ITGB1: variants seen among roughly 807,000 people sequenced by gnomAD.
The protein encoded by ITGB1 is integrin subunit beta 1, also known as integrin beta-1.
A neutral mutation model predicts 86.5 loss-of-function variants in ITGB1; 24 were observed. The ratio of observed to expected loss-of-function variants is 0.28; its 90% confidence interval spans 0.20 to 0.39. The LOEUF is 0.39. Ranked by LOEUF, ITGB1 falls within the 10% of genes least tolerant of loss-of-function variation. The pLI is 1.00. For missense variants in ITGB1, 556 were observed against 946.9 expected, an observed-to-expected ratio of 0.59 and a Z score of 5.42; for synonymous variants, 323 against 316.8, an observed-to-expected ratio of 1.02 and a Z score of -0.21.
intron 2 of ITGB1, among the ~76,000 whole-genome samples, chr10:32,934,307 A>T (rs1379373876): frequency 6.6e-6 from 1 of 152,162 alleles, no homozygotes; most frequent in Non-Finnish European, 1.5e-5. Flanking sequence ...TAAACAATAC[A>T]GTGTAAAAGC....
At chr10:32,924,291 A>G (rs1281310787) in intron 6 of ITGB1, among the ~76,000 whole-genome samples, 2 of 152,142 alleles carry the variant, frequency 1.3e-5, no homozygotes, top group Non-Finnish European at 2.9e-5. Flanking sequence ...TAACTCCTCA[A>G]TCAGTACTGT....
chr10:32,924,304 A>G (rs1463007972), intron 6 of ITGB1, among the ~76,000 whole-genome samples: 1 of 152,190 alleles, frequency 6.6e-6, no homozygotes, highest in Non-Finnish European at 1.5e-5. Flanking sequence ...AGTACTGTTT[A>G]TGCACTCATT....
chr10:32,930,082 G>GT, intron 3 of ITGB1, 38 bp from the exon 4 acceptor site: 1 of 819,248 alleles, frequency 1.2e-6, no homozygotes, highest in Non-Finnish European at 2.1e-6. Flanking sequence ...AATGAAAATT[G>GT]TAATGGTCAA....
intron 1 of ITGB1, among the ~76,000 whole-genome samples, chr10:32,937,438 C>T (rs1017675058): frequency 2.4e-4 from 37 of 151,806 alleles, no homozygotes; most frequent in African/African-American, 8.7e-4. Context: ...CTCCTGTAAT[C>T]CCAGCTTCTC....
chr10:32,903,141 G>T (rs2504018), intron 15 of ITGB1, among the ~76,000 whole-genome samples: 149,425 of 151,808 alleles, frequency 0.98, 73,580 homozygotes, highest in Middle Eastern at 1. Context: ...CACTTTTGGT[G>T]AGGAGTTTGA....
intron 11 of ITGB1, among the ~76,000 whole-genome samples, chr10:32,913,509 C>A (rs1017799257): frequency 2.0e-5 from 3 of 152,028 alleles, no homozygotes; most frequent in African/African-American, 7.3e-5. Context: ...GGCATGAGAA[C>A]CATGTGATGC....
intron 9 of ITGB1, among the ~76,000 whole-genome samples, chr10:32,921,319 G>C (rs968050664): frequency 6.6e-6 from 1 of 152,078 alleles, no homozygotes; most frequent in Non-Finnish European, 1.5e-5. Context: ...AATTATCTAA[G>C]ACAGGGGAGA....
intron 11 of ITGB1, among the ~76,000 whole-genome samples, chr10:32,914,056 A>C (rs150173921): frequency 1.1e-4 from 17 of 152,306 alleles, no homozygotes; most frequent in African/African-American, 3.1e-4. Context: ...ATTTCATATT[A>C]AGCCAAACTA....
At chr10:32,936,177 G>C (rs1755163455) in intron 1 of ITGB1, 2 of 152,396 alleles carry the variant, frequency 1.3e-5, no homozygotes, top group Middle Eastern at 3.4e-3. Flanking sequence ...GCTCACGCCT[G>C]GAATCTCAGC....
intron 5 of ITGB1, 33 bp from the exon 6 acceptor site, chr10:32,926,142 A>G: frequency 2.2e-6 from 3 of 1,386,248 alleles, no homozygotes; most frequent in South Asian, 1.2e-5. Context: ...TAAATGAATG[A>G]ATGGATGGAT....
rs147550378 is a variant in ITGB1 at position 32,938,915 on chromosome 10, G to T, written c.1-3357C>A. ...TGAGGGAAGCAAGCCACAGAGACCCGGACAGGAAAGGAGAGGCAGAGGGCC... is the reference window on the plus strand; with the variant it reads ...TGAGGGAAGCAAGCCACAGAGACCCTGACAGGAAAGGAGAGGCAGAGGGCC... On this transcript the variant is annotated intron_variant, in intron 1 of 15. Transcript: ENST00000302278. 7.6e-3 allele frequency among the ~76,000 whole-genome samples: 1,159 copies of T among 152,244 alleles called. 8 individuals are homozygous for T. The highest frequency in any genetic ancestry group is 0.02 in the Middle Eastern group (6 of 294).
intron 1 of ITGB1, among the ~76,000 whole-genome samples, chr10:32,944,085 CAA>C (rs1471532655): frequency 6.6e-6 from 1 of 152,184 alleles, no homozygotes. Context: ...GGGGAAAAAG[CAA>C]AAGAGAGGCA....
intron 1 of ITGB1, chr10:32,944,436 T>C: frequency 3.1e-6 from 1 of 323,320 alleles, no homozygotes; most frequent in Non-Finnish European, 6.0e-6. Context: ...ATGGGGGCCC[T>C]GGGCTAGGCA....
intron 13 of ITGB1, 134 bp downstream of exon 13, chr10:32,911,314 G>A: frequency 1.4e-6 from 1 of 704,442 alleles, no homozygotes. Flanking sequence ...GAATTAAAGA[G>A]TAGGCTTCCA....
chr10:32,935,778 A>T (rs1356908969), intron 1 of ITGB1: 9 of 432,980 alleles, frequency 2.1e-5, no homozygotes, highest in Non-Finnish European at 3.3e-5. Context: ...TCCATACCAG[A>T]GCCCCAGAAT....
intron 11 of ITGB1, among the ~76,000 whole-genome samples, chr10:32,915,268 G>C (rs1201500698): frequency 3.3e-5 from 5 of 152,122 alleles, no homozygotes; most frequent in Non-Finnish European, 5.9e-5. Flanking sequence ...AGAGAAGCAA[G>C]AGCAAACACA....
intron 1 of ITGB1, among the ~76,000 whole-genome samples, chr10:32,946,555 G>C (rs1298910839): frequency 6.6e-6 from 1 of 152,110 alleles, no homozygotes; most frequent in African/African-American, 2.4e-5. Flanking sequence ...GACCTGGTAG[G>C]AGAAGTGGGG....
At chr10:32,924,006 T>C (rs113007654) in intron 6 of ITGB1, among the ~76,000 whole-genome samples, 2,557 of 151,834 alleles carry the variant, frequency 0.017, 74 homozygotes, top group African/African-American at 0.051. Context: ...TTTTGTTTTG[T>C]TTGGTTTGGT....
At position 32,901,588 on chromosome 10, in the gene ITGB1, C is replaced by T. The variant is rs201353781; in HGVS notation, c.2379G>A (p.Pro793=). The change falls in exon 16 of 16, where the codon CCG becomes CCA. Residue 793 remains proline (P), a synonymous_variant. Coordinates refer to ENST00000302278, the MANE Select transcript of ITGB1 (RefSeq NM_002211.4). ...GCAGTACTCATTTTCCCTCATACTT[C>T]GGATTGACCACAGTTGTTACGGCAC... is the stretch of plus-strand genomic sequence containing the variant. ...YKSAVTTVVN[P]KYEGK 1.7e-5 allele frequency: 27 copies of T among 1,601,336 alleles called. No homozygotes were observed. The highest frequency in any genetic ancestry group is 2.0e-5 in the Non-Finnish European group (24 of 1,171,418).
Sources: gnomAD v4.1 joint callset for allele counts (sites outside exome capture counted in the v4.1 genomes callset) on GRCh38, gnomAD v4.1.1 for gene constraint, MANE v1.5 for transcripts, NCBI Gene and HGNC (gene_info 2026-07-23, HGNC 2026-07-21) for gene names.